The following USP24 variants were observed in gnomAD, a reference collection of about 807,000 sequenced individuals.
USP24 encodes ubiquitin carboxyl-terminal hydrolase 24.
Under a neutral mutation model 361.6 loss-of-function variants are expected in USP24, and 97 were observed. That is an observed-to-expected ratio of 0.27 (90% CI 0.23 to 0.32). USP24 has a LOEUF of 0.32. Ranked by LOEUF, USP24 falls within the 10% of genes least tolerant of loss-of-function variation. USP24 has a pLI of 1.00. For synonymous variants in USP24, 1,098 were observed against 1,124.6 expected (o/e 0.98, Z 0.47); for missense variants, 2,353 against 3,165.6 (o/e 0.74, Z 6.16).
At chr1:55,181,381 A>G (rs1643961615) in intron 1 of USP24, among the ~76,000 whole-genome samples, 1 of 152,226 alleles carries the variant, frequency 6.6e-6, no homozygotes, top group Non-Finnish European at 1.5e-5. Flanking sequence ...TAGAATCACA[A>G]TGCATGGGAA....
At chr1:55,147,473 T>C (rs760786907) in intron 18 of USP24, among the ~76,000 whole-genome samples, 176 bp downstream of exon 18, 1 of 152,208 alleles carries the variant, frequency 6.6e-6, no homozygotes, top group South Asian at 2.1e-4. Flanking sequence ...TGTTTATTCC[T>C]TCATCATATG....
intron 30 of USP24, 130 bp from the exon 31 acceptor site, chr1:55,132,830 T>C: frequency 1.1e-6 from 1 of 929,964 alleles, no homozygotes; most frequent in East Asian, 2.8e-5. Flanking sequence ...TTTCTAAAAA[T>C]TAACTTCATA....
At chr1:55,163,497 T>C (rs1042633730) in intron 7 of USP24, among the ~76,000 whole-genome samples, 2 of 151,980 alleles carry the variant, frequency 1.3e-5, no homozygotes, top group African/African-American at 4.8e-5. Flanking sequence ...CCAATAATCA[T>C]ATGACAAAAT....
In USP24 at chr1:55,101,581, C is replaced by A. The variant is rs1266013836; in HGVS notation, c.5145+3G>T. On this transcript the variant is annotated splice_donor_region_variant and intron_variant, in intron 43 of 67. Coordinates refer to ENST00000294383, the MANE Select transcript of USP24 (RefSeq NM_015306.3). ...ACCAAAAAGGATAGAAAAAAGAAAT[C>A]ACCTCAGGGAGCCCAGGTTGCATAT... 1.3e-5 allele frequency: 21 copies of A among 1,605,464 alleles called. No individual in the cohort carries two copies. Among genetic ancestry groups the A allele is most frequent in the Non-Finnish European group, 1.8e-5 (21 of 1,175,766 alleles).
chr1:55,090,751 C>T (rs1381299132), intron 54 of USP24, among the ~76,000 whole-genome samples: 3 of 152,202 alleles, frequency 2.0e-5, no homozygotes, highest in South Asian at 2.1e-4. Context: ...TTATCCAGAA[C>T]CTATAATGTG....
At chr1:55,083,632 C>T (rs944395724) in intron 57 of USP24, 140 bp downstream of exon 57, 2 of 732,836 alleles carry the variant, frequency 2.7e-6, no homozygotes, top group South Asian at 2.1e-5. Flanking sequence ...AGAATTCTTA[C>T]AAGTAATATA....
intron 5 of USP24, 133 bp from the exon 6 acceptor site, chr1:55,166,736 T>TC: frequency 2.4e-6 from 2 of 835,720 alleles, no homozygotes; most frequent in Non-Finnish European, 3.7e-6. Flanking sequence ...AAAGTTTTTT[T>TC]CCCAAACGCT....
At position 55,126,260 on chromosome 1, in the gene USP24, C is replaced by T. The variant is rs149410763; in HGVS notation, c.3636-502G>A. On this transcript the variant is annotated intron_variant, in intron 32 of 67. Coordinates refer to ENST00000294383, the MANE Select transcript of USP24 (RefSeq NM_015306.3). ...TCTGCCGGCACCAGGCAGGTCCCCA[C>T]GCATGGGTGTGCGCTGGCTGCTCCT... 4.5e-4 allele frequency among the ~76,000 whole-genome samples: 68 copies of T among 152,344 alleles called. No individual in the cohort carries two copies. In the East Asian group the frequency reaches 6.6e-3, roughly 15 times the overall value.
intron 59 of USP24, among the ~76,000 whole-genome samples, chr1:55,080,440 C>G (rs1413423412): frequency 6.6e-6 from 1 of 152,184 alleles, no homozygotes; most frequent in African/African-American, 2.4e-5. Context: ...TGCATTCATG[C>G]CTTGGCTTCT....
At chr1:55,133,749 AC>A (rs1646659347) in intron 30 of USP24, among the ~76,000 whole-genome samples, 1 of 149,654 alleles carries the variant, frequency 6.7e-6, no homozygotes, top group Non-Finnish European at 1.5e-5. Context: ...CTATCCTCCT[AC>A]CTCAGCCTCC....
chr1:55,133,968 T>C (rs1428382361), intron 30 of USP24, 102 bp downstream of exon 30: 17 of 1,067,786 alleles, frequency 1.6e-5, no homozygotes, highest in Middle Eastern at 2.0e-4. Context: ...AAAAACATTA[T>C]GGGAAAGATG....
At chr1:55,174,838 C>T (rs1166254486) in intron 3 of USP24, among the ~76,000 whole-genome samples, 1 of 152,198 alleles carries the variant, frequency 6.6e-6, no homozygotes, top group Admixed American at 6.5e-5. Flanking sequence ...ACATGTTGCC[C>T]AGGCTGGTCT....
intron 21 of USP24, among the ~76,000 whole-genome samples, chr1:55,143,733 T>C (rs1220309001): frequency 6.6e-6 from 1 of 152,120 alleles, no homozygotes; most frequent in Non-Finnish European, 1.5e-5. Context: ...CCCAAATCCC[T>C]GCCACTGTGA....
chr1:55,079,777 C>G, intron 59 of USP24, 118 bp from the exon 60 acceptor site: 8 of 1,318,710 alleles, frequency 6.1e-6, no homozygotes, highest in South Asian at 1.7e-5. Context: ...AGTACTCTCA[C>G]AGAGTACTCA....
At chr1:55,069,429 G>A (rs550111594) in intron 67 of USP24, among the ~76,000 whole-genome samples, 3 of 152,328 alleles carry the variant, frequency 2.0e-5, no homozygotes, top group Non-Finnish European at 4.4e-5. Context: ...CCCGCTTCAC[G>A]TTGGGCACTG....
intron 18 of USP24, among the ~76,000 whole-genome samples, chr1:55,147,400 A>G (rs1647058187): frequency 6.6e-6 from 1 of 152,190 alleles, no homozygotes; most frequent in Non-Finnish European, 1.5e-5. Flanking sequence ...ATTGATTTGA[A>G]AAACAAAACC....
rs375594578 is a variant in USP24 at position 55,094,237 on chromosome 1, AC to A, written c.6204-151del. ...ATAAAACTGTACCACATAAATATAT[AC>A]AATCATAATGTAACAATTAAGAAAT... On this transcript the variant is annotated intron_variant, in intron 51 of 67. Transcript: ENST00000294383. 2.2e-3 allele frequency: 1,675 copies of A among 755,098 alleles called. 18 individuals are homozygous for A. In the African/African-American group the frequency reaches 0.027, roughly 12 times the overall value. The allele number at this position is 755,098 out of a possible 1,614,324, so 46.8% of individuals were successfully genotyped here.
chr1:55,075,641 A>G, intron 62 of USP24, 118 bp from the exon 63 acceptor site: 2 of 481,854 alleles, frequency 4.2e-6, no homozygotes, highest in Non-Finnish European at 6.9e-6. Flanking sequence ...AACAACAACA[A>G]CAACAACAAC....
chr1:55,067,738 A>T lies in USP24; in HGVS notation c.*1307T>A, dbSNP rs969624175. 6.6e-6 allele frequency: 1 copy of T among 152,204 alleles called. No individual in the cohort carries two copies. The highest frequency in any genetic ancestry group is 2.4e-5 in the African/African-American group (1 of 41,456). The allele number at this position is 152,204 out of a possible 1,614,324, so 9.4% of individuals were successfully genotyped here. ...CATGGTGAGATGAAAATAAGGCAGG[A>T]CCTGTAACTAAAGGCAAAACAGGGC... On this transcript the variant is annotated 3_prime_UTR_variant, in exon 68 of 68. Coordinates refer to ENST00000294383, the MANE Select transcript of USP24 (RefSeq NM_015306.3).
Sources: allele counts gnomAD v4.1 joint callset (sites outside exome capture counted in the v4.1 genomes callset), GRCh38; gene constraint gnomAD v4.1.1; transcripts MANE v1.5; gene names NCBI Gene and HGNC (gene_info 2026-07-23, HGNC 2026-07-21).